DIAPH3: variants seen among roughly 807,000 people sequenced by gnomAD.
DIAPH3 encodes the protein protein diaphanous homolog 3.
DIAPH3 carries 117 observed loss-of-function variants against 144.3 expected under a neutral mutation model. The observed-to-expected ratio is 0.81, with a 90% CI of 0.70 to 0.95. The LOEUF is 0.95. Among genes scored for constraint, DIAPH3 ranks in the 40% least tolerant of loss-of-function variants. DIAPH3 has a pLI of 0.00. For synonymous variants in DIAPH3, 519 were observed against 488.9 expected, an observed-to-expected ratio of 1.06 and a Z score of -0.81; for missense variants, 1,421 against 1,412.7, an observed-to-expected ratio of 1.01 and a Z score of -0.09.
intron 25 of DIAPH3, among the ~76,000 whole-genome samples, chr13:59,784,317 G>T (rs541708436): frequency 6.6e-6 from 1 of 151,702 alleles, no homozygotes; most frequent in Admixed American, 6.6e-5. Flanking sequence ...TCCTGACCTC[G>T]TGATCCACCC....
chr13:60,126,967 G>C (rs1169138615), intron 2 of DIAPH3, among the ~76,000 whole-genome samples: 1 of 150,846 alleles, frequency 6.6e-6, no homozygotes, highest in Admixed American at 6.6e-5. Flanking sequence ...AGAAATCAGA[G>C]AAAAAAATAA....
rs1051217061 is a variant in DIAPH3, at chr13:60,154,452, C to T, written c.180+9135G>A. Among the ~76,000 whole-genome samples, 47 of 152,120 alleles carry T rather than the reference C, an allele frequency of 3.1e-4. 1 individual carries two copies. Among genetic ancestry groups the T allele is most frequent in the African/African-American group, 2.2e-4 (9 of 41,438 alleles). On this transcript the variant is annotated intron_variant, in intron 1 of 27. Transcript: ENST00000400324. ...CACTGCTCATAAATGTTACTCATAACGCTTCTTCTACAAAAAACTGTAAGA... is the reference window on the plus strand; with the variant it reads ...CACTGCTCATAAATGTTACTCATAATGCTTCTTCTACAAAAAACTGTAAGA...
chr13:60,087,916 G>A (rs1393556504), intron 4 of DIAPH3, among the ~76,000 whole-genome samples: 1 of 152,164 alleles, frequency 6.6e-6, no homozygotes, highest in Admixed American at 6.5e-5. Flanking sequence ...TAATACAGAT[G>A]CCAATGATAC....
chr13:60,069,635 T>C (rs1220438082), intron 4 of DIAPH3, among the ~76,000 whole-genome samples: 2 of 152,204 alleles, frequency 1.3e-5, no homozygotes, highest in African/African-American at 4.8e-5. Flanking sequence ...TCTTTAACCA[T>C]CTTGAGTTGA....
At chr13:60,007,212 C>T (rs533954702) in intron 9 of DIAPH3, among the ~76,000 whole-genome samples, 117 of 151,878 alleles carry the variant, frequency 7.7e-4, no homozygotes, top group Non-Finnish European at 1.1e-3. Flanking sequence ...CCATCATGCC[C>T]GGCTAATTTT....
intron 4 of DIAPH3, among the ~76,000 whole-genome samples, chr13:60,065,977 CAT>C (rs2056947175): frequency 6.6e-6 from 1 of 152,054 alleles, no homozygotes; most frequent in South Asian, 2.1e-4. Context: ...TCCTACAAAT[CAT>C]ATATATCAAA....
chr13:59,745,097 A>G (rs1207729169), intron 27 of DIAPH3, among the ~76,000 whole-genome samples: 1 of 152,170 alleles, frequency 6.6e-6, no homozygotes, highest in Non-Finnish European at 1.5e-5. Context: ...GCTAGAAAGG[A>G]AGAATTTAAA....
chr13:59,917,889 C>CAAAAAAAAAAAAA (rs60792156), intron 18 of DIAPH3, among the ~76,000 whole-genome samples: 1 of 18,642 alleles, frequency 5.4e-5, no homozygotes, highest in African/African-American at 1.6e-4. Context: ...GACTCTGTCT[C>CAAAAAAAAAAAAA]AAAAAAAAAA....
intron 4 of DIAPH3, among the ~76,000 whole-genome samples, chr13:60,045,942 A>G (rs1281568534): frequency 6.6e-6 from 1 of 152,244 alleles, no homozygotes; most frequent in Admixed American, 6.5e-5. Context: ...CACAAAGACA[A>G]TAATTCTTAA....
chr13:59,803,611 T>C (rs2040050289), intron 25 of DIAPH3, among the ~76,000 whole-genome samples: 1 of 152,062 alleles, frequency 6.6e-6, no homozygotes, highest in Admixed American at 6.6e-5. Flanking sequence ...AATAATCACT[T>C]TCAAATTAAG....
intron 25 of DIAPH3, among the ~76,000 whole-genome samples, chr13:59,796,557 A>C (rs2039615929): frequency 6.6e-6 from 1 of 152,242 alleles, no homozygotes; most frequent in Non-Finnish European, 1.5e-5. Context: ...ATAGACAGAA[A>C]ACTATGAGAT....
intron 27 of DIAPH3, among the ~76,000 whole-genome samples, chr13:59,723,673 C>G (rs538813784): frequency 6.6e-6 from 1 of 151,724 alleles, no homozygotes; most frequent in Admixed American, 6.6e-5. Flanking sequence ...TGCAGTGGCG[C>G]AATCTCGGCT....
chr13:59,975,855 T>C (rs934060851), intron 14 of DIAPH3, among the ~76,000 whole-genome samples: 1 of 151,918 alleles, frequency 6.6e-6, no homozygotes, highest in African/African-American at 2.4e-5. Context: ...AACACTACCA[T>C]TCCCCACAAC....
At chr13:59,795,079 T>C (rs918772876) in intron 25 of DIAPH3, among the ~76,000 whole-genome samples, 12 of 152,216 alleles carry the variant, frequency 7.9e-5, no homozygotes, top group Non-Finnish European at 1.5e-4. Flanking sequence ...CCTCACTCTG[T>C]GTGGGCTCCA....
At chr13:60,039,548 C>T (rs1016950360) in intron 5 of DIAPH3, among the ~76,000 whole-genome samples, 2 of 152,144 alleles carry the variant, frequency 1.3e-5, no homozygotes, top group African/African-American at 4.8e-5. Context: ...AAGTGATCCG[C>T]TCGTCTCAGC....
intron 1 of DIAPH3, among the ~76,000 whole-genome samples, chr13:60,153,781 T>G (rs1394934976): frequency 6.6e-6 from 1 of 152,134 alleles, no homozygotes; most frequent in Non-Finnish European, 1.5e-5. Context: ...TTACACTTAG[T>G]TTTATATCTG....
At chr13:59,825,642 A>C (rs956926855) in intron 24 of DIAPH3, among the ~76,000 whole-genome samples, 59 of 152,338 alleles carry the variant, frequency 3.9e-4, no homozygotes, top group African/African-American at 1.4e-3. Flanking sequence ...ACTAGTTTAC[A>C]GTCCTACCAA....
chr13:59,677,162 T>G (rs929751035), intron 27 of DIAPH3, among the ~76,000 whole-genome samples: 2 of 152,130 alleles, frequency 1.3e-5, no homozygotes, highest in African/African-American at 2.4e-5. Context: ...AACCCAAGCA[T>G]GGCATGATTT....
chr13:59,800,790 G>C (rs970663008), intron 25 of DIAPH3, among the ~76,000 whole-genome samples: 1 of 152,050 alleles, frequency 6.6e-6, no homozygotes, highest in Non-Finnish European at 1.5e-5. Context: ...TATTTCCAAC[G>C]ATCATAAACA....
Sources: gnomAD v4.1 joint callset for allele counts (sites outside exome capture counted in the v4.1 genomes callset) on GRCh38, gnomAD v4.1.1 for gene constraint, MANE v1.5 for transcripts, NCBI Gene and HGNC (gene_info 2026-07-23, HGNC 2026-07-21) for gene names.